Variants in GALNTL6 observed in about 807,000 individuals in gnomAD.
GALNTL6 encodes polypeptide N-acetylgalactosaminyltransferase-like 6.
A neutral mutation model predicts 73.7 loss-of-function variants in GALNTL6; 46 were observed. The ratio of observed to expected loss-of-function variants is 0.62; its 90% CI spans 0.49 to 0.80. The LOEUF (loss-of-function observed/expected upper bound fraction) is 0.80. GALNTL6 is among the 30% of genes least tolerant of loss of function. The probability of loss-of-function intolerance (pLI) is 0.00; values close to 1 mark genes in which losing one functional copy is unlikely to be tolerated. For synonymous variants in GALNTL6, 259 were observed against 263.7 expected, an observed-to-expected ratio of 0.98 and a Z score of 0.17; for missense variants, 604 against 755.0, an observed-to-expected ratio of 0.80 and a Z score of 2.34.
chr4:172,068,143 G>A (rs547522206), intron 2 of GALNTL6, among the ~76,000 whole-genome samples: 1 of 108,212 alleles, frequency 9.2e-6, no homozygotes, highest in East Asian at 2.1e-4. Context: ...TTTATACAGT[G>A]TGTACCTGAA....
chr4:172,474,052 T>A (rs993218408), intron 5 of GALNTL6, among the ~76,000 whole-genome samples: 2 of 152,122 alleles, frequency 1.3e-5, no homozygotes, highest in Non-Finnish European at 2.9e-5. Flanking sequence ...TTTTCCCCCA[T>A]CCTTCATTTA....
rs906212507 is a variant in GALNTL6 at position 171,885,624 on chromosome 4, A to C, written c.138+70906A>C. 2.0e-5 allele frequency among the ~76,000 whole-genome samples: 3 copies of C among 152,014 alleles called. No individual in the cohort carries two copies. The South Asian group carries it at 6.2e-4, about 32-fold the overall frequency. On this transcript the variant is annotated intron_variant, in intron 2 of 12. Transcript: ENST00000506823. ...AGTTTGGGAGCAGTCTGGGAAACAC[A>C]GTGAGACCCTGTCTCCGCAAAAAAT... is the stretch of plus-strand genomic sequence containing the variant.
intron 4 of GALNTL6, among the ~76,000 whole-genome samples, chr4:172,320,854 C>T (rs1363295378): frequency 6.6e-6 from 1 of 152,154 alleles, no homozygotes; most frequent in African/African-American, 2.4e-5. Flanking sequence ...AAAGCCACAG[C>T]CCCCTGAGGA....
intron 2 of GALNTL6, among the ~76,000 whole-genome samples, chr4:172,153,839 T>A (rs1734170417): frequency 6.6e-6 from 1 of 152,196 alleles, no homozygotes; most frequent in Admixed American, 6.5e-5. Context: ...TTAAACCTAA[T>A]CATCAAACAA....
At chr4:172,209,443 CA>C (rs35780511) in intron 2 of GALNTL6, among the ~76,000 whole-genome samples, 8,625 of 135,122 alleles carry the variant, frequency 0.064, 712 homozygotes, top group African/African-American at 0.22. Flanking sequence ...GGTCTCTGGT[CA>C]AAAAAAAAAA....
At chr4:172,457,013 A>T (rs1579088518) in intron 5 of GALNTL6, among the ~76,000 whole-genome samples, 1 of 152,226 alleles carries the variant, frequency 6.6e-6, no homozygotes, top group African/African-American at 2.4e-5. Context: ...CTCTGCAAAA[A>T]CCCTACAAGC....
At chr4:172,385,125 T>C (rs1294137886) in intron 5 of GALNTL6, among the ~76,000 whole-genome samples, 1 of 152,016 alleles carries the variant, frequency 6.6e-6, no homozygotes, top group East Asian at 1.9e-4. Context: ...ATTTTTGTTT[T>C]TAATTTTGTT....
At chr4:171,921,901 GGAAATAAAATAAAATATATATTATGTTAT>G (rs1737799199) in intron 2 of GALNTL6, among the ~76,000 whole-genome samples, 1 of 151,594 alleles carries the variant, frequency 6.6e-6, no homozygotes, top group Non-Finnish European at 1.5e-5. Context: ...AACACAAAGG[GGAAATAAAATAAAATATATATTATGTTAT>G]GATTATTTTT....
At chr4:172,057,262 A>C (rs879638486) in intron 2 of GALNTL6, among the ~76,000 whole-genome samples, 2 of 152,030 alleles carry the variant, frequency 1.3e-5, no homozygotes, top group Admixed American at 6.6e-5. Flanking sequence ...AGTACCAAAA[A>C]AATTAGCCAG....
chr4:172,043,987 A>G (rs1417042054), intron 2 of GALNTL6, among the ~76,000 whole-genome samples: 3 of 151,996 alleles, frequency 2.0e-5, no homozygotes, highest in Non-Finnish European at 4.4e-5. Flanking sequence ...CAGAATCACA[A>G]CCTCTGTATT....
At chr4:172,500,015 A>G (rs1734204690) in intron 5 of GALNTL6, among the ~76,000 whole-genome samples, 1 of 152,240 alleles carries the variant, frequency 6.6e-6, no homozygotes, top group Admixed American at 6.5e-5. Context: ...TGGAGTAAAA[A>G]TAGCTGAAAA....
chr4:172,699,814 A>G (rs1020363219), intron 5 of GALNTL6, among the ~76,000 whole-genome samples: 2 of 152,154 alleles, frequency 1.3e-5, no homozygotes, highest in African/African-American at 2.4e-5. Context: ...TTACAAAAAG[A>G]AAAAGAAAAT....
At position 172,761,250 on chromosome 4, in the gene GALNTL6, T is replaced by C. The variant is rs180994758; in HGVS notation, c.554-48111T>C. 4.6e-5 allele frequency among the ~76,000 whole-genome samples: 7 copies of C among 152,328 alleles called. No individual in the cohort carries two copies. In the East Asian group the frequency reaches 1.4e-3, roughly 29 times the overall value. On this transcript the variant is annotated intron_variant, in intron 5 of 12. Transcript: ENST00000506823. ...GAAATTATTCTACCACTGTTGGTTC[T>C]GAGTAAAGAAAACTTTATGGAGGAT...
At chr4:172,753,658 C>A (rs1231299688) in intron 5 of GALNTL6, among the ~76,000 whole-genome samples, 1 of 152,122 alleles carries the variant, frequency 6.6e-6, no homozygotes, top group Non-Finnish European at 1.5e-5. Context: ...TTCCTAAAAT[C>A]TTTGATAATT....
At chr4:172,938,672 GACA>G (rs1378123786) in intron 9 of GALNTL6, among the ~76,000 whole-genome samples, 1 of 152,102 alleles carries the variant, frequency 6.6e-6, no homozygotes, top group Non-Finnish European at 1.5e-5. Context: ...GATAACCTTG[GACA>G]ACAACAGCAG....
chr4:172,416,263 A>C (rs1730831858), intron 5 of GALNTL6, among the ~76,000 whole-genome samples: 1 of 152,224 alleles, frequency 6.6e-6, no homozygotes, highest in South Asian at 2.1e-4. Flanking sequence ...TGGATTTTAA[A>C]TCAGGAAAAG....
chr4:172,127,942 A>T, intron 2 of GALNTL6, among the ~76,000 whole-genome samples: 1 of 151,828 alleles, frequency 6.6e-6, no homozygotes, highest in Non-Finnish European at 1.5e-5. Flanking sequence ...GTCTCTACTT[A>T]AAAAATACAA....
chr4:172,904,795 T>C (rs1370734281), intron 8 of GALNTL6, among the ~76,000 whole-genome samples: 3 of 152,162 alleles, frequency 2.0e-5, no homozygotes, highest in Non-Finnish European at 2.9e-5. Flanking sequence ...TCTTTGAATC[T>C]TTGTTTCTAC....
chr4:172,456,620 A>G (rs1246056254), intron 5 of GALNTL6, among the ~76,000 whole-genome samples: 1 of 151,910 alleles, frequency 6.6e-6, no homozygotes. Context: ...AGATCAGCTC[A>G]ATGAAATAAA....
Sources: gnomAD v4.1 joint callset for allele counts (sites outside exome capture counted in the v4.1 genomes callset) on GRCh38, gnomAD v4.1.1 for gene constraint, MANE v1.5 for transcripts, NCBI Gene and HGNC (gene_info 2026-07-23, HGNC 2026-07-21) for gene names.